Variants in QKI observed in about 807,000 individuals in gnomAD.
The protein encoded by QKI is KH domain-containing RNA-binding protein QKI.
QKI carries 10 observed loss-of-function variants against 39.0 expected under a neutral mutation model. That is an observed-to-expected ratio of 0.26 (90% CI 0.16 to 0.43). The LOEUF (loss-of-function observed/expected upper bound fraction) is 0.43, where lower values mean the gene tolerates loss of function less well. Among genes scored for constraint, QKI ranks in the 20% least tolerant of loss-of-function variants. QKI has a pLI of 1.00. For synonymous variants in QKI, 204 were observed against 155.4 expected (o/e 1.31, Z -2.33); for missense variants, 218 against 428.0 (o/e 0.51, Z 4.33).
At chr6:163,483,953 T>C (rs1387329810) in intron 3 of QKI, among the ~76,000 whole-genome samples, 1 of 152,208 alleles carries the variant, frequency 6.6e-6, no homozygotes, top group Non-Finnish European at 1.5e-5. Flanking sequence ...AATTACTCCT[T>C]GATCCATGGG....
At chr6:163,569,524 A>G (rs1159240871) in intron 7 of QKI, 2 of 1,250,604 alleles carry the variant, frequency 1.6e-6, no homozygotes, top group South Asian at 1.4e-5. Flanking sequence ...TAAAAATTAT[A>G]CTACTGTTAA....
rs1434874390 is a variant in QKI at position 163,573,870 on chromosome 6, T to A, written c.*3160T>A. ...ATAAACAAATAAAGACAAAAGAATG[T>A]AAAGTCTTGAGTTACTGGACTAACC... On this transcript the variant is annotated 3_prime_UTR_variant, in exon 8 of 8. Transcript: ENST00000361752. 6.6e-6 allele frequency: 1 copy of A among 152,254 alleles called. No homozygotes were observed. The highest frequency in any genetic ancestry group is 1.5e-5 in the Non-Finnish European group (1 of 68,046). The allele number at this position is 152,254 out of a possible 1,614,324, so 9.4% of individuals were successfully genotyped here.
intron 3 of QKI, among the ~76,000 whole-genome samples, chr6:163,516,697 A>C (rs1427147901): frequency 1.3e-5 from 2 of 152,144 alleles, no homozygotes; most frequent in Non-Finnish European, 2.9e-5. Flanking sequence ...TTCTGGTCTT[A>C]ACTATTTTCC....
chr6:163,542,768 A>T (rs1022463911), intron 4 of QKI, among the ~76,000 whole-genome samples: 2 of 152,078 alleles, frequency 1.3e-5, no homozygotes, highest in African/African-American at 2.4e-5. Context: ...ATCAGTTTTT[A>T]ACATATAGCT....
At chr6:163,440,772 T>C (rs1176530045) in intron 1 of QKI, among the ~76,000 whole-genome samples, 2 of 152,226 alleles carry the variant, frequency 1.3e-5, no homozygotes, top group Admixed American at 1.3e-4. Context: ...ACTATATTCC[T>C]AGGGCCTTGG....
At chr6:163,570,097 G>A (rs1375576856) in intron 7 of QKI, 1 of 985,930 alleles carries the variant, frequency 1.0e-6, no homozygotes, top group Non-Finnish European at 1.2e-6. Context: ...CATGTTGTTT[G>A]TAAATAGAAT....
intron 3 of QKI, among the ~76,000 whole-genome samples, chr6:163,493,405 A>G (rs1778192258): frequency 6.6e-6 from 1 of 152,228 alleles, no homozygotes. Flanking sequence ...CTGGAATTAC[A>G]GGCATGAGCC....
intron 7 of QKI, chr6:163,568,456 C>CA: frequency 2.8e-5 from 28 of 985,560 alleles, no homozygotes; most frequent in Non-Finnish European, 3.4e-5. Flanking sequence ...TTAGTCCTGT[C>CA]ACTGTTTTTA....
intron 1 of QKI, among the ~76,000 whole-genome samples, chr6:163,444,888 T>C (rs1562440344): frequency 6.6e-6 from 1 of 151,992 alleles, no homozygotes; most frequent in Non-Finnish European, 1.5e-5. Context: ...AACCCCAAAG[T>C]CCAAAGCAAA....
At position 163,499,958 on chromosome 6, in the gene QKI, G is replaced by A. The variant is rs183556353; in HGVS notation, c.402+21062G>A. 1.7e-4 allele frequency among the ~76,000 whole-genome samples: 26 copies of A among 152,232 alleles called. 1 individual carries two copies. The East Asian group carries it at 4.8e-3, about 28-fold the overall frequency. ...GGGCTGGGTGGAAGGCTTTTAACTA[G>A]GAGGGCCAATGAAGGACTCTGAGGA... On this transcript the variant is annotated intron_variant, in intron 3 of 7. Transcript: ENST00000361752.
chr6:163,531,772 C>T (rs558024080), intron 3 of QKI, among the ~76,000 whole-genome samples: 1 of 152,312 alleles, frequency 6.6e-6, no homozygotes, highest in South Asian at 2.1e-4. Context: ...CCCCAAAGTG[C>T]TGGGATTACA....
chr6:163,550,681 T>C (rs1174438436), intron 4 of QKI, among the ~76,000 whole-genome samples: 2 of 152,044 alleles, frequency 1.3e-5, no homozygotes, highest in African/African-American at 4.8e-5. Context: ...GCGTGGTGGC[T>C]GACGCCTGTA....
At chr6:163,519,645 T>C (rs972990518) in intron 3 of QKI, among the ~76,000 whole-genome samples, 1 of 151,890 alleles carries the variant, frequency 6.6e-6, no homozygotes, top group African/African-American at 2.4e-5. Flanking sequence ...TATTTTAGAA[T>C]ACAGGCAGTT....
At chr6:163,419,044 AAAG>A (rs1181304352) in intron 1 of QKI, among the ~76,000 whole-genome samples, 4 of 152,172 alleles carry the variant, frequency 2.6e-5, no homozygotes, top group Non-Finnish European at 4.4e-5. Flanking sequence ...TGGCTCAGAA[AAAG>A]AGAGCAGATG....
intron 3 of QKI, among the ~76,000 whole-genome samples, chr6:163,512,954 C>A (rs897486102): frequency 1.3e-5 from 2 of 152,060 alleles, no homozygotes; most frequent in Non-Finnish European, 2.9e-5. Flanking sequence ...ATATAGTAGT[C>A]CTTCCTTATC....
chr6:163,533,202 A>G lies in QKI; in HGVS notation c.403-1780A>G, dbSNP rs144845459. Among the ~76,000 whole-genome samples the G allele has an allele frequency of 3.3e-3, 501 of 152,300 alleles. 6 individuals are homozygous for G. Among genetic ancestry groups the G allele is most frequent in the African/African-American group, 0.011 (461 of 41,578 alleles). ...GAAAATACTGTTAGCATTCTTGAAC[A>G]TAACAATTGAAATCTGGATAACAAA... On this transcript the variant is annotated intron_variant, in intron 3 of 7. Transcript: ENST00000361752.
intron 4 of QKI, among the ~76,000 whole-genome samples, chr6:163,553,123 G>T: frequency 7.7e-6 from 1 of 130,004 alleles, no homozygotes; most frequent in African/African-American, 2.9e-5. Context: ...TATTTTTTGA[G>T]ATGGAGTTTC....
At chr6:163,515,326 T>TG (rs149176455) in intron 3 of QKI, among the ~76,000 whole-genome samples, 4,280 of 151,096 alleles carry the variant, frequency 0.028, 194 homozygotes, top group African/African-American at 0.097. Flanking sequence ...ATAGTGTGTG[T>TG]TTTTTTTTAA....
intron 1 of QKI, among the ~76,000 whole-genome samples, chr6:163,443,655 T>C (rs955997454): frequency 8.5e-5 from 13 of 152,242 alleles, no homozygotes; most frequent in African/African-American, 3.1e-4. Context: ...TTGACATGTA[T>C]TTTCTTTCCT....
Sources: gnomAD v4.1 joint callset for allele counts (sites outside exome capture counted in the v4.1 genomes callset) on GRCh38, gnomAD v4.1.1 for gene constraint, MANE v1.5 for transcripts, NCBI Gene and HGNC (gene_info 2026-07-23, HGNC 2026-07-21) for gene names.